MSL2: variants seen among roughly 807,000 people sequenced by gnomAD.
The protein encoded by MSL2 is MSL complex subunit 2.
Under a neutral mutation model 35.8 loss-of-function variants are expected in MSL2, and 2 were observed. That is an observed-to-expected ratio of 0.06 (90% CI 0.02 to 0.18). MSL2 has a LOEUF of 0.18. Among genes scored for constraint, MSL2 ranks in the 10% least tolerant of loss-of-function variants. MSL2 has a pLI of 1.00. For synonymous variants in MSL2, 296 were observed against 255.7 expected (o/e 1.16, Z -1.50); for missense variants, 523 against 706.7 (o/e 0.74, Z 2.95).
intron 1 of MSL2, among the ~76,000 whole-genome samples, chr3:136,185,381 A>T (rs985816110): frequency 1.7e-4 from 26 of 152,188 alleles, no homozygotes; most frequent in Non-Finnish European, 3.5e-4. Flanking sequence ...CTTACAAATG[A>T]AACAGAAAAA....
Position 136,195,404 on chromosome 3 carries a change from G to C in MSL2, c.-291C>G. 8.8e-7 allele frequency: 1 copy of C among 1,139,190 alleles called. No individual in the cohort carries two copies. 70.6% of individuals were successfully genotyped at this position (1,139,190 alleles called of 1,614,324 possible). ...CACAGAGCGCAGAACGCGGCGGCTT[G>C]GGCGCTCGGGGCGGGACTCGGAGCT... On this transcript the variant is annotated 5_prime_UTR_variant, in exon 1 of 2. Coordinates refer to ENST00000309993, the MANE Select transcript of MSL2 (RefSeq NM_018133.4).
At position 136,153,924 on chromosome 3, in the gene MSL2, A is replaced by T. The variant is rs185552544; in HGVS notation, c.143-1186T>A. On this transcript the variant is annotated intron_variant, in intron 1 of 1. Transcript: ENST00000309993. ...ATGGTGAAACCCTGTCTCTACTAAA[A>T]ACGCAAAAATTAGCCGGGCAGGGTG... 3.6e-3 allele frequency among the ~76,000 whole-genome samples: 546 copies of T among 149,930 alleles called. 6 individuals are homozygous for T. Among genetic ancestry groups the T allele is most frequent in the African/African-American group, 0.013 (519 of 40,628 alleles).
intron 1 of MSL2, among the ~76,000 whole-genome samples, chr3:136,185,431 ATCTAAAATAC>A (rs1940491279): frequency 6.6e-6 from 1 of 152,070 alleles, no homozygotes; most frequent in Non-Finnish European, 1.5e-5. Flanking sequence ...ATCTAACCTT[ATCTAAAATAC>A]TATAGATATG....
At chr3:136,171,334 G>C (rs1327243958) in intron 1 of MSL2, among the ~76,000 whole-genome samples, 2 of 152,108 alleles carry the variant, frequency 1.3e-5, no homozygotes, top group Non-Finnish European at 2.9e-5. Flanking sequence ...CACAAAAAAG[G>C]CCTCAGATGA....
rs781181467 is a variant in MSL2, at chr3:136,152,485, C to T, written c.396G>A (p.Leu132=). The T allele has an allele frequency of 3.1e-6, 5 of 1,614,176 alleles. No individual in the cohort carries two copies. The South Asian group carries it at 3.3e-5, about 11-fold the overall frequency. ...AVDCSSDILA[L]LNDGSLFCEE... ...CACAAAACAATGATCCATCATTAAG[C>T]AAAGCCAAAATATCAGAAGAACAGT... The change falls in exon 2 of 2, where the codon TTG becomes TTA. Residue 132 remains leucine, a synonymous_variant. Coordinates refer to ENST00000309993, the MANE Select transcript of MSL2 (RefSeq NM_018133.4).
At chr3:136,178,098 C>T (rs1369561448) in intron 1 of MSL2, among the ~76,000 whole-genome samples, 1 of 152,158 alleles carries the variant, frequency 6.6e-6, no homozygotes, top group East Asian at 1.9e-4. Context: ...CTCAGACCCA[C>T]AACATATTCA....
intron 1 of MSL2, among the ~76,000 whole-genome samples, chr3:136,174,724 C>T (rs1940121949): frequency 6.6e-6 from 1 of 152,140 alleles, no homozygotes; most frequent in South Asian, 2.1e-4. Context: ...TTCAAGTGGA[C>T]ATATATGCTA....
chr3:136,151,180 C>A lies in MSL2; in HGVS notation c.1701G>T (p.Leu567Phe), dbSNP rs1183667998. 1 of 1,613,864 alleles carries A rather than the reference C, an allele frequency of 6.2e-7. No individual in the cohort carries two copies. Among genetic ancestry groups the A allele is most frequent in the Non-Finnish European group, 8.5e-7 (1 of 1,179,870 alleles). The change falls in exon 2 of 2, where the codon TTG becomes TTT. Residue 567 changes from leucine to phenylalanine, a missense_variant. Leu to Phe is a conservative substitution (Grantham distance 22). Around this residue, in one of 5 missense-constraint regions of MSL2, gnomAD observed 60 missense variants for 75.1 expected, o/e 0.80. Coordinates refer to ENST00000309993, the MANE Select transcript of MSL2 (RefSeq NM_018133.4). The surrounding 1 kb of genome is among the most constrained non-coding windows in gnomAD (Gnocchi z 5.2). The stretch of plus-strand genomic sequence containing the variant: ...CGAATCTCATGTCTATAGCTTCATC[C>A]AAACTTTTATCATCATGTGTACTGG... ...LAASTHDDKS[L>F]DEAIDMRFDC is the part of the protein sequence containing the mutation.
Position 136,195,212 on chromosome 3 carries a change from A to C in MSL2, c.-99T>G. On this transcript the variant is annotated 5_prime_UTR_variant, in exon 1 of 2. Transcript: ENST00000309993. ...CGATGGCGAATTTGCAACAATTCGG[A>C]AGAAATCAGAGCCGAACCATTGGCC... 4.6e-6 allele frequency: 7 copies of C among 1,534,084 alleles called. No individual in the cohort carries two copies. The highest frequency in any genetic ancestry group is 5.2e-6 in the Non-Finnish European group (6 of 1,145,208).
chr3:136,182,420 G>C (rs531553828), intron 1 of MSL2, among the ~76,000 whole-genome samples: 1 of 152,132 alleles, frequency 6.6e-6, no homozygotes, highest in African/African-American at 2.4e-5. Context: ...AAATATTGAC[G>C]AACAGGCGGC....
At chr3:136,167,797 A>C (rs1044040167) in intron 1 of MSL2, among the ~76,000 whole-genome samples, 2 of 152,212 alleles carry the variant, frequency 1.3e-5, no homozygotes, top group African/African-American at 4.8e-5. Flanking sequence ...TATATGGGAA[A>C]ATATTTGGAA....
intron 1 of MSL2, among the ~76,000 whole-genome samples, chr3:136,160,507 C>G (rs1012430843): frequency 6.6e-6 from 1 of 151,034 alleles, no homozygotes; most frequent in Non-Finnish European, 1.5e-5. Context: ...TTCAGGAGTT[C>G]GAGACCAGCC....
intron 1 of MSL2, among the ~76,000 whole-genome samples, chr3:136,189,000 C>A (rs1451038146): frequency 6.7e-6 from 1 of 150,108 alleles, no homozygotes; most frequent in East Asian, 2.0e-4. Context: ...CATAAATATA[C>A]CCAAGTAGAA....
At position 136,150,760 on chromosome 3, in the gene MSL2, C is replaced by CA. The variant is rs886280385; in HGVS notation, c.*386dup. The CA allele has an allele frequency of 2.3e-5, 4 of 176,930 alleles. No homozygotes were observed. Among genetic ancestry groups the CA allele is most frequent in the South Asian group, 1.3e-4 (1 of 7,608 alleles). The allele number at this position is 176,930 out of a possible 1,614,324, so 11.0% of individuals were successfully genotyped here. ...TCCTGAACTAATGGCTACTTTTCCA[C>CA]AAAAAAATTAGCACAATCTTTATGG... On this transcript the variant is annotated 3_prime_UTR_variant, in exon 2 of 2. Coordinates refer to ENST00000309993, the MANE Select transcript of MSL2 (RefSeq NM_018133.4).
At chr3:136,172,387 T>C (rs982947226) in intron 1 of MSL2, among the ~76,000 whole-genome samples, 1 of 152,048 alleles carries the variant, frequency 6.6e-6, no homozygotes, top group African/African-American at 2.4e-5. Flanking sequence ...CAGTTACCTA[T>C]ACCTAATGTT....
At position 136,180,701 on chromosome 3, in the gene MSL2, G is replaced by GA. The variant is rs1276241058; in HGVS notation, c.142+14270dup. 3.6e-5 allele frequency among the ~76,000 whole-genome samples: 5 copies of GA among 140,122 alleles called. No individual in the cohort carries two copies. The East Asian group carries it at 9.0e-4, about 25-fold the overall frequency. The allele number at this position is 140,122 out of a possible 152,430, so 91.9% of individuals were successfully genotyped here. ...GGCGACAGAGCAAGACTCCGTCTCA[G>GA]AAAAAAAAGAAAAAACAAAAGAAAA... On this transcript the variant is annotated intron_variant, in intron 1 of 1. Coordinates refer to ENST00000309993, the MANE Select transcript of MSL2 (RefSeq NM_018133.4).
At chr3:136,181,552 GA>G (rs1187584617) in intron 1 of MSL2, among the ~76,000 whole-genome samples, 4 of 152,254 alleles carry the variant, frequency 2.6e-5, no homozygotes, top group African/African-American at 9.6e-5. Flanking sequence ...CTAAGGTGAA[GA>G]AATTGTTCTA....
chr3:136,170,378 A>G (rs1939991209), intron 1 of MSL2, among the ~76,000 whole-genome samples: 2 of 146,272 alleles, frequency 1.4e-5, no homozygotes, highest in Admixed American at 6.8e-5. Context: ...ATTGTTAACT[A>G]TAGTCATTCT....
Position 136,195,777 on chromosome 3 carries a change from C to CCGCA in MSL2, c.-668_-665dup. Reference sequence around the variant, plus strand: ...GGCTCTCCGCCCCGTGGGTTGCAGCCCGCAGTTCCCCGAGGTGGCGAGGCG... The same window carrying CCGCA: ...GGCTCTCCGCCCCGTGGGTTGCAGCCCGCACGCAGTTCCCCGAGGTGGCGAGGCG... On this transcript the variant is annotated 5_prime_UTR_variant, in exon 1 of 2. Transcript: ENST00000309993. 1.0e-6 allele frequency: 1 copy of CCGCA among 985,186 alleles called. No individual in the cohort carries two copies. The highest frequency in any genetic ancestry group is 1.2e-6 in the Non-Finnish European group (1 of 829,860). 61.0% of individuals were successfully genotyped at this position (985,186 alleles called of 1,614,324 possible).
Sources: allele counts gnomAD v4.1 joint callset (sites outside exome capture counted in the v4.1 genomes callset), GRCh38; gene constraint gnomAD v4.1.1; regional missense constraint gnomAD v4.1.1; non-coding constraint Gnocchi (gnomAD v3.1); transcripts MANE v1.5; gene names NCBI Gene and HGNC (gene_info 2026-07-23, HGNC 2026-07-21).